IL1RAPL1: variants seen among roughly 807,000 people sequenced by gnomAD.
IL1RAPL1 encodes interleukin-1 receptor accessory protein-like 1.
IL1RAPL1 carries 3 observed loss-of-function variants against 48.4 expected under a neutral mutation model. The observed-to-expected ratio is 0.06, with a 90% CI of 0.03 to 0.16. The LOEUF is 0.16. Among genes scored for constraint, IL1RAPL1 ranks in the 10% least tolerant of loss-of-function variants. IL1RAPL1 has a pLI of 1.00. For missense variants in IL1RAPL1, 349 were observed against 530.6 expected (o/e 0.66, Z 3.36); for synonymous variants, 185 against 187.7 (o/e 0.99, Z 0.12).
At chrX:29,091,978 CA>C (rs1369362455) in intron 2 of IL1RAPL1, among the ~76,000 whole-genome samples, 3 of 111,567 alleles carry the variant, frequency 2.7e-5, no homozygotes, top group Non-Finnish European at 3.8e-5. Context: ...AAAATTCTTC[CA>C]TTGTATGTAG....
chrX:28,608,831 A>T (rs776781998), intron 1 of IL1RAPL1, among the ~76,000 whole-genome samples: 1 of 112,460 alleles, frequency 8.9e-6, no homozygotes, highest in Non-Finnish European at 1.9e-5. Context: ...TAAAAGGACC[A>T]AAAATGGACA....
chrX:28,605,618 A>G (rs1934074896), intron 1 of IL1RAPL1, among the ~76,000 whole-genome samples: 1 of 112,179 alleles, frequency 8.9e-6, no homozygotes, highest in Non-Finnish European at 1.9e-5. Flanking sequence ...CTCTCAATAT[A>G]GCAGCTACGG....
intron 1 of IL1RAPL1, among the ~76,000 whole-genome samples, chrX:28,600,795 C>T (rs1180728920): frequency 1.8e-5 from 2 of 111,275 alleles, no homozygotes; most frequent in Middle Eastern, 4.7e-3. Context: ...TTGAAATCAT[C>T]GAAATAATAT....
intron 5 of IL1RAPL1, among the ~76,000 whole-genome samples, chrX:29,530,960 A>T (rs1921020333): frequency 8.9e-6 from 1 of 112,120 alleles, no homozygotes; most frequent in South Asian, 3.7e-4. Flanking sequence ...GTCTTCATAA[A>T]TTTACTTTAG....
chrX:29,714,653 C>T (rs998545786), intron 6 of IL1RAPL1, among the ~76,000 whole-genome samples: 1 of 111,742 alleles, frequency 8.9e-6, no homozygotes. Context: ...CTATTAAAAA[C>T]CCCATTTTAG....
chrX:29,292,237 GAAAAT>G (rs1258380015), intron 3 of IL1RAPL1, among the ~76,000 whole-genome samples: 3 of 111,772 alleles, frequency 2.7e-5, no homozygotes, highest in African/African-American at 6.5e-5. Context: ...TTTTCCATAA[GAAAAT>G]AAAATAATTC....
chrX:29,348,186 A>G (rs1248660736), intron 3 of IL1RAPL1, among the ~76,000 whole-genome samples: 1 of 112,119 alleles, frequency 8.9e-6, no homozygotes, highest in African/African-American at 3.2e-5. Flanking sequence ...GGTATAAAGT[A>G]TTATAAATTA....
At chrX:29,047,919 T>A (rs771073922) in intron 2 of IL1RAPL1, among the ~76,000 whole-genome samples, 1 of 110,674 alleles carries the variant, frequency 9.0e-6, no homozygotes, top group African/African-American at 3.3e-5. Context: ...ATCTCTTACA[T>A]AATTTGTTTT....
chrX:29,624,174 TTTG>T (rs1423974739), intron 5 of IL1RAPL1, among the ~76,000 whole-genome samples: 134 of 112,131 alleles, frequency 1.2e-3, no homozygotes, highest in African/African-American at 3.9e-3. Context: ...CTTAAACATT[TTTG>T]TTGTTGTTAA....
chrX:29,768,481 C>T (rs1377931163), intron 6 of IL1RAPL1, among the ~76,000 whole-genome samples: 3 of 111,249 alleles, frequency 2.7e-5, no homozygotes, highest in Admixed American at 9.6e-5. Context: ...CACTGAGGTA[C>T]GTACACCTCT....
chrX:29,043,024 G>A (rs2147418083), intron 2 of IL1RAPL1, among the ~76,000 whole-genome samples: 1 of 111,605 alleles, frequency 9.0e-6, no homozygotes, highest in East Asian at 2.8e-4. Context: ...CATCTGTCCT[G>A]GTTGTACTAG....
intron 1 of IL1RAPL1, among the ~76,000 whole-genome samples, chrX:28,766,260 T>C (rs1331127850): frequency 9.0e-6 from 1 of 111,409 alleles, no homozygotes; most frequent in Non-Finnish European, 1.9e-5. Context: ...CCTGCATGTC[T>C]GTGTAACCCA....
intron 6 of IL1RAPL1, among the ~76,000 whole-genome samples, chrX:29,869,882 T>A (rs1279379339): frequency 9.1e-6 from 1 of 110,256 alleles, no homozygotes; most frequent in Non-Finnish European, 1.9e-5. Flanking sequence ...TGGAGCATCA[T>A]GAATGGGGTC....
Position 28,753,919 on chromosome X carries a change from GGAGA to G in IL1RAPL1, c.-24-35382_-24-35379del, listed in dbSNP as rs761095391. Reference sequence around the variant, plus strand: ...GGCAGGGAGGGAAGGAAGGAGGGAGGGAGAGAGAGAGAGAGAGAGAGACAGAGAA... The same window carrying G: ...GGCAGGGAGGGAAGGAAGGAGGGAGGGAGAGAGAGAGAGAGAGACAGAGAA... On this transcript the variant is annotated intron_variant, in intron 1 of 10. Coordinates refer to ENST00000378993, the MANE Select transcript of IL1RAPL1 (RefSeq NM_014271.4). Among the ~76,000 whole-genome samples the G allele has an allele frequency of 3.3e-3, 346 of 104,377 alleles. 2 individuals carry two copies. The highest frequency in any genetic ancestry group is 8.1e-3 in the Admixed American group (78 of 9,686). The allele number at this position is 104,377 out of a possible 115,157, so 90.6% of individuals were successfully genotyped here.
chrX:29,156,127 T>G (rs949985728), intron 2 of IL1RAPL1, among the ~76,000 whole-genome samples: 1 of 111,554 alleles, frequency 9.0e-6, no homozygotes, highest in African/African-American at 3.3e-5. Flanking sequence ...ATAAGCAAAT[T>G]TTCCAAGGGC....
chrX:29,896,670 G>GTTTT (rs201930711), intron 6 of IL1RAPL1, among the ~76,000 whole-genome samples: 23 of 112,227 alleles, frequency 2.0e-4, no homozygotes, highest in African/African-American at 7.5e-4. Context: ...TGAAACCTGT[G>GTTTT]TTTTTTGTTG....
rs746323746 is a variant in IL1RAPL1 at position 29,356,568 on chromosome X, TACAC to T, written c.363-39677_363-39674del. Among the ~76,000 whole-genome samples, 13 of 108,608 alleles carry T rather than the reference TACAC, an allele frequency of 1.2e-4. No homozygotes were observed. The South Asian group carries it at 3.5e-3, about 30-fold the overall frequency. The allele number at this position is 108,608 out of a possible 115,157, so 94.3% of individuals were successfully genotyped here. On this transcript the variant is annotated intron_variant, in intron 3 of 10. Coordinates refer to ENST00000378993, the MANE Select transcript of IL1RAPL1 (RefSeq NM_014271.4). ...CACGTGCGTATGTATGTGTGACACATACACACACACACACACGCACACACTCACA... is the reference window on the plus strand; with the variant it reads ...CACGTGCGTATGTATGTGTGACACATACACACACACACGCACACACTCACA...
intron 5 of IL1RAPL1, among the ~76,000 whole-genome samples, chrX:29,410,351 C>T (rs1169737570): frequency 9.2e-6 from 1 of 108,671 alleles, no homozygotes; most frequent in Non-Finnish European, 1.9e-5. Flanking sequence ...GTCCCAGCTG[C>T]TCAGGAGGCT....
chrX:29,279,160 C>T (rs752094810), intron 2 of IL1RAPL1, among the ~76,000 whole-genome samples: 7 of 112,050 alleles, frequency 6.2e-5, no homozygotes, highest in Admixed American at 9.5e-5. Context: ...TTATGCAGGC[C>T]GGGCTTGGTG....
Sources: gnomAD v4.1 joint callset for allele counts (sites outside exome capture counted in the v4.1 genomes callset) on GRCh38, gnomAD v4.1.1 for gene constraint, MANE v1.5 for transcripts, NCBI Gene and HGNC (gene_info 2026-07-23, HGNC 2026-07-21) for gene names.